Variants in MAGT1 observed in about 807,000 individuals in gnomAD.
MAGT1 encodes the protein dolichyl-diphosphooligosaccharide--protein glycosyltransferase subunit MAGT1.
Under a neutral mutation model 28.4 loss-of-function variants are expected in MAGT1, and 4 were observed. The observed-to-expected ratio is 0.14, with a 90% CI of 0.07 to 0.32. The LOEUF is 0.32. Ranked by LOEUF, MAGT1 falls within the 10% of genes least tolerant of loss-of-function variation. The pLI, the probability that MAGT1 is intolerant of heterozygous loss-of-function variation, is 1.00. For missense variants in MAGT1, 193 were observed against 264.5 expected (o/e 0.73, Z 1.88); for synonymous variants, 89 against 89.7 (o/e 0.99, Z 0.04).
intron 1 of MAGT1, among the ~76,000 whole-genome samples, chrX:77,884,587 T>C (rs1387795207): frequency 9.1e-6 from 1 of 110,373 alleles, no homozygotes; most frequent in African/African-American, 3.3e-5. Context: ...AAAGCAACAC[T>C]ACCGACGTCT....
At chrX:77,890,022 T>C (rs1404861439) in intron 1 of MAGT1, among the ~76,000 whole-genome samples, 1 of 112,166 alleles carries the variant, frequency 8.9e-6, no homozygotes, top group African/African-American at 3.2e-5. Flanking sequence ...TAAGTGAGGA[T>C]ATGCAATGTT....
chrX:77,865,073 T>C (rs1355849730), intron 3 of MAGT1, among the ~76,000 whole-genome samples: 1 of 111,860 alleles, frequency 8.9e-6, no homozygotes, highest in Non-Finnish European at 1.9e-5. Flanking sequence ...TGCACTAACC[T>C]TTTAGGTTAC....
At chrX:77,840,403 T>G (rs1304861783) in intron 8 of MAGT1, among the ~76,000 whole-genome samples, 3 of 107,242 alleles carry the variant, frequency 2.8e-5, no homozygotes, top group African/African-American at 1.0e-4. Context: ...ACCACTGCAC[T>G]CCAGCCTGGG....
At chrX:77,850,362 G>A (rs1170473687) in intron 7 of MAGT1, among the ~76,000 whole-genome samples, 1 of 107,224 alleles carries the variant, frequency 9.3e-6, no homozygotes, top group African/African-American at 3.4e-5. Flanking sequence ...TGTAATTCCA[G>A]CTACTCAGGA....
intron 1 of MAGT1, among the ~76,000 whole-genome samples, chrX:77,877,091 T>C (rs1419216389): frequency 9.3e-6 from 1 of 107,244 alleles, no homozygotes; most frequent in Non-Finnish European, 1.9e-5. Flanking sequence ...AAAACTTTTA[T>C]GAAAATAAAT....
At chrX:77,882,113 ACT>A (rs2077054445) in intron 1 of MAGT1, among the ~76,000 whole-genome samples, 1 of 112,097 alleles carries the variant, frequency 8.9e-6, no homozygotes, top group Non-Finnish European at 1.9e-5. Context: ...CATGCTAAAA[ACT>A]CTCAATAAAT....
intron 1 of MAGT1, among the ~76,000 whole-genome samples, chrX:77,886,323 G>A (rs987816639): frequency 9.9e-5 from 11 of 111,172 alleles, no homozygotes; most frequent in African/African-American, 3.3e-4. Flanking sequence ...TCAAAGTGTG[G>A]TTGGTATAAA....
intron 3 of MAGT1, among the ~76,000 whole-genome samples, chrX:77,864,815 G>A (rs1467537325): frequency 4.5e-5 from 5 of 110,677 alleles, no homozygotes; most frequent in African/African-American, 1.6e-4. Flanking sequence ...GGGTTCAAGC[G>A]ATTCTCCTGT....
chrX:77,859,074 G>A (rs1346667308), intron 3 of MAGT1, among the ~76,000 whole-genome samples: 14 of 110,618 alleles, frequency 1.3e-4, no homozygotes. Flanking sequence ...TGGGCGTGAC[G>A]GTGGGCACCT....
chrX:77,830,133 G>GT (rs2076893511), intron 9 of MAGT1, among the ~76,000 whole-genome samples: 1 of 112,257 alleles, frequency 8.9e-6, no homozygotes, highest in Admixed American at 9.5e-5. Context: ...ACCAGCCTGG[G>GT]TAACATAGCA....
At position 77,872,145 on chromosome X, in the gene MAGT1, C is replaced by T. The variant is rs183310926; in HGVS notation, c.273-1220G>A. Among the ~76,000 whole-genome samples, 73 of 109,670 alleles carry T rather than the reference C, an allele frequency of 6.7e-4. 1 individual carries two copies. The highest frequency in any genetic ancestry group is 2.3e-3 in the African/African-American group (69 of 30,195). On this transcript the variant is annotated intron_variant, in intron 2 of 9. Coordinates refer to ENST00000618282, the MANE Select transcript of MAGT1 (RefSeq NM_001367916.1). ...GCAACCTCTGCCTCCCAGTCTCAAG[C>T]AATTCTCCTGCCTCAGCCTCCTAAG...
chrX:77,878,307 A>G (rs1377205713), intron 1 of MAGT1, among the ~76,000 whole-genome samples: 8 of 99,709 alleles, frequency 8.0e-5, no homozygotes, highest in African/African-American at 2.2e-4. Context: ...AAAAAAAAAA[A>G]AAAAAGAAAA....
intron 1 of MAGT1, among the ~76,000 whole-genome samples, chrX:77,882,729 G>A (rs1172715223): frequency 3.6e-5 from 4 of 109,805 alleles, no homozygotes; most frequent in Non-Finnish European, 7.6e-5. Flanking sequence ...CACTTTGGGA[G>A]GCTGAGGAGT....
chrX:77,876,158 ATATATATTTTTTTTT>A (rs1313421944), intron 1 of MAGT1, among the ~76,000 whole-genome samples: 7 of 30,786 alleles, frequency 2.3e-4, no homozygotes, highest in African/African-American at 6.7e-4. Flanking sequence ...ATATATATAT[ATATATATTTTTTTTT>A]TTTTTTTTTT....
At chrX:77,880,957 C>CAAAA (rs11285161) in intron 1 of MAGT1, among the ~76,000 whole-genome samples, 22 of 35,390 alleles carry the variant, frequency 6.2e-4, no homozygotes, top group East Asian at 1.1e-3. Context: ...GAATCTGTCT[C>CAAAA]AAAAAAAAAA....
Position 77,870,759 on chromosome X carries a change from C to T in MAGT1, c.390+49G>A, listed in dbSNP as rs781956858. Reference sequence around the variant, plus strand: ...CACTGAAAAAAATATATTCCACTTTCACTATATTTTACCTATTTTTATATA... The same window carrying T: ...CACTGAAAAAAATATATTCCACTTTTACTATATTTTACCTATTTTTATATA... On this transcript the variant is annotated intron_variant, in intron 3 of 9. Transcript: ENST00000618282. 5.9e-6 allele frequency: 5 copies of T among 851,796 alleles called. No homozygotes were observed. In the South Asian group the frequency reaches 1.0e-4, roughly 17 times the overall value. 70.2% of individuals were successfully genotyped at this position (851,796 alleles called of 1,213,427 possible). A position where few individuals can be genotyped will look rare whatever the true frequency, so the allele number is the denominator to read the frequency against.
intron 1 of MAGT1, among the ~76,000 whole-genome samples, chrX:77,879,468 AT>A: frequency 8.9e-6 from 1 of 112,417 alleles, no homozygotes; most frequent in Admixed American, 9.5e-5. Context: ...GCTCATCTTT[AT>A]AGAGATATGT....
intron 5 of MAGT1, among the ~76,000 whole-genome samples, chrX:77,855,977 C>T (rs2076980567): frequency 2.7e-5 from 3 of 109,604 alleles, no homozygotes; most frequent in Non-Finnish European, 5.7e-5. Flanking sequence ...ACCATATTGG[C>T]CAGGTTGATC....
intron 3 of MAGT1, among the ~76,000 whole-genome samples, chrX:77,860,980 A>T (rs2076993284): frequency 9.1e-6 from 1 of 110,439 alleles, no homozygotes; most frequent in Non-Finnish European, 1.9e-5. Flanking sequence ...GTCCGCAACC[A>T]GCCTGACCAA....
Sources: gnomAD v4.1 joint callset for allele counts (sites outside exome capture counted in the v4.1 genomes callset) on GRCh38, gnomAD v4.1.1 for gene constraint, MANE v1.5 for transcripts, NCBI Gene and HGNC (gene_info 2026-07-23, HGNC 2026-07-21) for gene names.